LRP1B: variants seen among roughly 807,000 people sequenced by gnomAD.
The protein encoded by LRP1B is LDL receptor related protein 1B.
LRP1B carries 217 observed loss-of-function variants against 556.6 expected under a neutral mutation model. That is an observed-to-expected ratio of 0.39 (90% confidence interval 0.35 to 0.44). The LOEUF is 0.44. Among genes scored for constraint, LRP1B ranks in the 20% least tolerant of loss-of-function variants. The probability of loss-of-function intolerance (pLI) is 1.00; values close to 1 mark genes in which losing one functional copy is unlikely to be tolerated. For synonymous variants in LRP1B, 2,047 were observed against 1,865.8 expected (o/e 1.10, Z -2.50); for missense variants, 5,053 against 5,620.8 (o/e 0.90, Z 3.23).
intron 35 of LRP1B, among the ~76,000 whole-genome samples, chr2:140,739,639 T>C (rs1270490444): frequency 6.6e-6 from 1 of 152,182 alleles, no homozygotes; most frequent in Non-Finnish European, 1.5e-5. Context: ...AAATGAATAA[T>C]AGTAATTATT....
In LRP1B at chr2:142,121,736, G is replaced by A. The variant is rs1254057685; in HGVS notation, c.82+8912C>T. 2.0e-5 allele frequency among the ~76,000 whole-genome samples: 3 copies of A among 152,100 alleles called. No homozygotes were observed. In the East Asian group the frequency reaches 5.8e-4, roughly 29 times the overall value. On this transcript the variant is annotated intron_variant, in intron 1 of 90. Transcript: ENST00000389484. ...TGTTTCTGTCTCCTCTTGCACTAAA[G>A]CCCTATCAGCCCAGTTACATTGTCT...
chr2:141,809,542 TA>T (rs929573994), intron 2 of LRP1B, among the ~76,000 whole-genome samples: 2 of 151,990 alleles, frequency 1.3e-5, no homozygotes, highest in Middle Eastern at 3.2e-3. Context: ...AAGTGGGTAT[TA>T]AAAAAAGTGG....
chr2:140,889,353 T>C (rs113019378), intron 23 of LRP1B, among the ~76,000 whole-genome samples: 1 of 152,210 alleles, frequency 6.6e-6, no homozygotes, highest in African/African-American at 2.4e-5. Flanking sequence ...TGGAGTACAG[T>C]GGCATGATCT....
At chr2:140,470,255 T>G (rs1276256596) in intron 60 of LRP1B, among the ~76,000 whole-genome samples, 1 of 152,182 alleles carries the variant, frequency 6.6e-6, no homozygotes, top group African/African-American at 2.4e-5. Flanking sequence ...GTTTGATATT[T>G]TCATCAAGGT....
At chr2:141,971,720 G>A (rs1701738513) in intron 1 of LRP1B, among the ~76,000 whole-genome samples, 1 of 151,446 alleles carries the variant, frequency 6.6e-6, no homozygotes, top group African/African-American at 2.4e-5. Flanking sequence ...ATAACACACA[G>A]CCATAGTTAT....
intron 3 of LRP1B, among the ~76,000 whole-genome samples, chr2:141,364,050 C>T (rs1385960360): frequency 6.6e-6 from 1 of 152,112 alleles, no homozygotes; most frequent in Non-Finnish European, 1.5e-5. Context: ...TCTCATCCAG[C>T]ATTCAGTCCT....
intron 18 of LRP1B, among the ~76,000 whole-genome samples, chr2:140,980,439 C>T (rs1696732843): frequency 2.0e-5 from 3 of 152,134 alleles, no homozygotes; most frequent in African/African-American, 7.2e-5. Flanking sequence ...TCCAGATATT[C>T]TATTATATAC....
At chr2:140,326,736 AG>A (rs1306664606) in intron 79 of LRP1B, among the ~76,000 whole-genome samples, 11 of 151,404 alleles carry the variant, frequency 7.3e-5, no homozygotes, top group African/African-American at 2.7e-4. Context: ...AAGAATAAAC[AG>A]TAAAGTTCTC....
At chr2:141,521,510 G>T (rs1289230387) in intron 2 of LRP1B, among the ~76,000 whole-genome samples, 11 of 127,550 alleles carry the variant, frequency 8.6e-5, no homozygotes. Flanking sequence ...ATCTTTACTT[G>T]GAAGTAATTT....
intron 1 of LRP1B, among the ~76,000 whole-genome samples, chr2:141,864,591 GGAGGAATGCGCCAGGC>G (rs1558926567): frequency 4.6e-5 from 7 of 151,218 alleles, no homozygotes; most frequent in African/African-American, 1.7e-4. Flanking sequence ...TTATGAAACT[GGAGGAATGCGCCAGGC>G]GCAGTGGCTC....
intron 51 of LRP1B, among the ~76,000 whole-genome samples, chr2:140,514,257 C>T (rs990466747): frequency 1.3e-5 from 2 of 151,864 alleles, no homozygotes; most frequent in Non-Finnish European, 1.5e-5. Flanking sequence ...ATAAACAGCA[C>T]GTGTGGCTTG....
At chr2:141,823,430 G>A (rs777368428) in intron 1 of LRP1B, among the ~76,000 whole-genome samples, 1 of 152,032 alleles carries the variant, frequency 6.6e-6, no homozygotes, top group Non-Finnish European at 1.5e-5. Flanking sequence ...TATCATTATT[G>A]TTTAGTCACT....
intron 19 of LRP1B, among the ~76,000 whole-genome samples, chr2:140,950,725 C>T (rs1695688554): frequency 6.6e-6 from 1 of 152,026 alleles, no homozygotes; most frequent in Non-Finnish European, 1.5e-5. Context: ...CTCTTGGCCT[C>T]AAGCAATCCA....
intron 41 of LRP1B, among the ~76,000 whole-genome samples, chr2:140,627,745 A>T (rs549251365): frequency 6.6e-6 from 1 of 152,338 alleles, no homozygotes; most frequent in African/African-American, 2.4e-5. Context: ...TACAGAAAAA[A>T]AGAATATCTC....
chr2:140,748,148 ATG>A (rs1173236245), intron 35 of LRP1B, among the ~76,000 whole-genome samples: 4 of 134,662 alleles, frequency 3.0e-5, no homozygotes, highest in South Asian at 2.2e-4. Context: ...ATTCATATAT[ATG>A]TGTGTATATA....
At chr2:140,654,628 T>G (rs1339463458) in intron 41 of LRP1B, among the ~76,000 whole-genome samples, 1 of 152,174 alleles carries the variant, frequency 6.6e-6, no homozygotes, top group East Asian at 1.9e-4. Flanking sequence ...ATGGGTTTTA[T>G]TACTAATTCA....
At chr2:140,811,846 T>TTA (rs1690937659) in intron 32 of LRP1B, among the ~76,000 whole-genome samples, 1 of 152,132 alleles carries the variant, frequency 6.6e-6, no homozygotes, top group Non-Finnish European at 1.5e-5. Context: ...CCCTTTTGTT[T>TTA]TATATATATG....
At chr2:141,465,190 CTGACT>C (rs1682134933) in intron 3 of LRP1B, among the ~76,000 whole-genome samples, 1 of 152,010 alleles carries the variant, frequency 6.6e-6, no homozygotes, top group South Asian at 2.1e-4. Flanking sequence ...GAAATAATTG[CTGACT>C]TTGAAATTCA....
intron 31 of LRP1B, among the ~76,000 whole-genome samples, chr2:140,822,955 T>C (rs995222621): frequency 1.3e-5 from 2 of 152,218 alleles, no homozygotes; most frequent in Non-Finnish European, 2.9e-5. Context: ...TATGAGATGA[T>C]TAATGCAAAG....
Sources: gnomAD v4.1 joint callset for allele counts (sites outside exome capture counted in the v4.1 genomes callset) on GRCh38, gnomAD v4.1.1 for gene constraint, MANE v1.5 for transcripts, NCBI Gene and HGNC (gene_info 2026-07-23, HGNC 2026-07-21) for gene names.